The following EEF1AKMT2 variants were observed in gnomAD, a reference collection of about 807,000 sequenced individuals.
EEF1AKMT2 encodes the protein EEF1A lysine methyltransferase 2, also known as eukaryotic translation elongation factor 1 alpha lysine methyltransferase 2.
A neutral mutation model predicts 35.8 loss-of-function variants in EEF1AKMT2; 32 were observed. The observed-to-expected ratio is 0.89, with a 90% CI of 0.67 to 1.20. EEF1AKMT2 has a LOEUF of 1.20. Among genes scored for constraint, EEF1AKMT2 ranks in the 50% most tolerant of loss-of-function variants. EEF1AKMT2 has a pLI of 0.00. For missense variants in EEF1AKMT2, 330 were observed against 347.5 expected (o/e 0.95, Z 0.40); for synonymous variants, 121 against 133.7 (o/e 0.91, Z 0.65).
Position 124,760,352 on chromosome 10 carries a change from G to T in EEF1AKMT2, c.*151C>A. The T allele has an allele frequency of 8.4e-7, 1 of 1,192,160 alleles. No homozygotes were observed. The highest frequency in any genetic ancestry group is 1.2e-6 in the Non-Finnish European group (1 of 818,402). 73.8% of individuals were successfully genotyped at this position (1,192,160 alleles called of 1,614,324 possible). The stretch of plus-strand genomic sequence containing the variant: ...ATTTGCACAAGGATTTTCTGTGTCA[G>T]GTTAACTTTGCTGTGTAGATTCTGT... On this transcript the variant is annotated 3_prime_UTR_variant, in exon 7 of 7. Coordinates refer to ENST00000368836, the MANE Select transcript of EEF1AKMT2 (RefSeq NM_212554.4).
At chr10:124,782,842 G>T in intron 3 of EEF1AKMT2, 1 of 232,216 alleles carries the variant, frequency 4.3e-6, no homozygotes, top group Non-Finnish European at 8.9e-6. Flanking sequence ...GTAAAAAAGG[G>T]AAAACAATAA....
intron 4 of EEF1AKMT2, among the ~76,000 whole-genome samples, chr10:124,773,759 AAAT>A: frequency 6.6e-6 from 1 of 152,220 alleles, no homozygotes; most frequent in Non-Finnish European, 1.5e-5. Context: ...ATAACAGATA[AAAT>A]AATAATGAAA....
chr10:124,766,758 C>T (rs1409133641), intron 4 of EEF1AKMT2, among the ~76,000 whole-genome samples: 1 of 152,168 alleles, frequency 6.6e-6, no homozygotes, highest in Non-Finnish European at 1.5e-5. Flanking sequence ...GAAGAGCTAA[C>T]TTTGAAGAGG....
intron 1 of EEF1AKMT2, among the ~76,000 whole-genome samples, chr10:124,791,181 C>T (rs759298332): frequency 1.3e-5 from 2 of 152,152 alleles, no homozygotes; most frequent in Non-Finnish European, 2.9e-5. Flanking sequence ...ATTCATCCAC[C>T]CACATTAATT....
intron 3 of EEF1AKMT2, among the ~76,000 whole-genome samples, chr10:124,783,257 C>A (rs1318933888): frequency 6.7e-6 from 1 of 150,190 alleles, no homozygotes; most frequent in African/African-American, 2.4e-5. Context: ...TCTCCCACCT[C>A]AGCCTCCTGA....
chr10:124,774,905 C>A (rs997868566), intron 3 of EEF1AKMT2, 123 bp from the exon 4 acceptor site: 16 of 395,990 alleles, frequency 4.0e-5, no homozygotes, highest in Admixed American at 3.3e-4. Context: ...GACATATAAT[C>A]CAATTCATAA....
At chr10:124,771,444 G>A (rs1211004857) in intron 4 of EEF1AKMT2, among the ~76,000 whole-genome samples, 1 of 152,002 alleles carries the variant, frequency 6.6e-6, no homozygotes, top group Non-Finnish European at 1.5e-5. Flanking sequence ...TGCATCAGAC[G>A]AATCACTATC....
intron 3 of EEF1AKMT2, among the ~76,000 whole-genome samples, chr10:124,780,987 C>T (rs1046119385): frequency 2.6e-5 from 4 of 151,800 alleles, no homozygotes; most frequent in East Asian, 1.9e-4. Flanking sequence ...TGCTCTGCTG[C>T]CAAGCTGGAA....
intron 3 of EEF1AKMT2, among the ~76,000 whole-genome samples, chr10:124,777,372 G>A (rs1950496951): frequency 1.3e-5 from 2 of 152,026 alleles, no homozygotes; most frequent in Non-Finnish European, 1.5e-5. Context: ...ACCATGGAGT[G>A]TACTTACAAA....
At chr10:124,773,481 C>T (rs746658320) in intron 4 of EEF1AKMT2, among the ~76,000 whole-genome samples, 1 of 152,162 alleles carries the variant, frequency 6.6e-6, no homozygotes, top group Non-Finnish European at 1.5e-5. Context: ...GATCTGCCCA[C>T]CTCAGCCTCC....
intron 6 of EEF1AKMT2, among the ~76,000 whole-genome samples, chr10:124,760,904 C>G (rs1380902462): frequency 6.6e-6 from 1 of 152,244 alleles, no homozygotes; most frequent in Non-Finnish European, 1.5e-5. Flanking sequence ...GAGTCTCACT[C>G]CATCACCGAG....
chr10:124,763,226 C>A (rs981379297), intron 5 of EEF1AKMT2, among the ~76,000 whole-genome samples: 4 of 152,082 alleles, frequency 2.6e-5, no homozygotes, highest in African/African-American at 4.8e-5. Context: ...CAAGTCCCTT[C>A]GACATCAAAT....
intron 4 of EEF1AKMT2, among the ~76,000 whole-genome samples, chr10:124,767,894 G>A (rs1950393516): frequency 6.6e-6 from 1 of 152,250 alleles, no homozygotes; most frequent in Non-Finnish European, 1.5e-5. Context: ...GCTGAGGCAG[G>A]AGAATCGTTT....
intron 4 of EEF1AKMT2, among the ~76,000 whole-genome samples, chr10:124,771,740 G>C (rs1160628840): frequency 6.6e-6 from 1 of 151,912 alleles, no homozygotes; most frequent in Admixed American, 6.6e-5. Context: ...GTGGTGGCAG[G>C]CACCTGTAGT....
intron 3 of EEF1AKMT2, among the ~76,000 whole-genome samples, chr10:124,788,842 A>G (rs1281757342): frequency 6.6e-6 from 1 of 151,738 alleles, no homozygotes; most frequent in Non-Finnish European, 1.5e-5. Context: ...TTAAGACTAT[A>G]GCCAAAAGAG....
intron 3 of EEF1AKMT2, among the ~76,000 whole-genome samples, chr10:124,785,273 A>C (rs1782116590): frequency 6.8e-6 from 1 of 147,470 alleles, no homozygotes; most frequent in East Asian, 2.0e-4. Flanking sequence ...AAAAAAAAGA[A>C]TGTAAAAGGT....
chr10:124,771,098 C>CT, intron 4 of EEF1AKMT2, among the ~76,000 whole-genome samples: 1 of 151,348 alleles, frequency 6.6e-6, no homozygotes, highest in Non-Finnish European at 1.5e-5. Context: ...AGAAGGTTTT[C>CT]TTTTTTCTTT....
Position 124,774,710 on chromosome 10 carries a change from TA to T in EEF1AKMT2, c.363del (p.Ile122Ter). On this transcript the variant is annotated frameshift_variant, in exon 4 of 7. Transcript: ENST00000368836. LOFTEE classifies it high-confidence loss of function. ...ATGTTAGATAAACCTTCTTTTTCTA[TA>T]ATACTTCCAGAAAGCTGAATTGCAG... is the stretch of plus-strand genomic sequence containing the variant. ...SPSAIQLSGS[I>X]IEKEGLSNIK... The T allele has an allele frequency of 6.8e-7, 1 of 1,474,738 alleles. No homozygotes were observed. 91.4% of individuals were successfully genotyped at this position (1,474,738 alleles called of 1,614,324 possible).
chr10:124,775,348 A>G (rs1232567335), intron 3 of EEF1AKMT2, among the ~76,000 whole-genome samples: 2 of 152,200 alleles, frequency 1.3e-5, no homozygotes, highest in African/African-American at 4.8e-5. Flanking sequence ...GTGGGCAGGT[A>G]TCAGTATCCC....
Sources: allele counts gnomAD v4.1 joint callset (sites outside exome capture counted in the v4.1 genomes callset), GRCh38; gene constraint gnomAD v4.1.1; transcripts MANE v1.5; gene names NCBI Gene and HGNC (gene_info 2026-07-23, HGNC 2026-07-21).